Variants in TRIM45 observed in about 807,000 individuals in gnomAD.
The protein encoded by TRIM45 is tripartite motif containing 45, also known as E3 ubiquitin-protein ligase TRIM45.
Under a neutral mutation model 46.7 loss-of-function variants are expected in TRIM45, and 45 were observed. That is an observed-to-expected ratio of 0.96 (90% CI 0.76 to 1.24). The LOEUF (loss-of-function observed/expected upper bound fraction) is 1.24, where lower values mean the gene tolerates loss of function less well. Among genes scored for constraint, TRIM45 ranks in the 50% most tolerant of loss-of-function variants. TRIM45 has a pLI of 0.00. For synonymous variants in TRIM45, 259 were observed against 285.8 expected (o/e 0.91, Z 0.94); for missense variants, 680 against 728.4 (o/e 0.93, Z 0.77).
At position 117,111,947 on chromosome 1, in the gene TRIM45, TAAA is replaced by T. The variant is rs74430292; in HGVS notation, c.*355_*357del. On this transcript the variant is annotated 3_prime_UTR_variant, in exon 6 of 6. Coordinates refer to ENST00000256649, the MANE Select transcript of TRIM45 (RefSeq NM_025188.4). ...GGGTGACAGAGTGAGACTCTGTCTT[TAAA>T]AAAAAAAAAAAAAGAAAAAAAAAGG... 4.1e-5 allele frequency: 5 copies of T among 121,780 alleles called. No individual in the cohort carries two copies. The highest frequency in any genetic ancestry group is 5.2e-5 in the Non-Finnish European group (3 of 57,722). 7.5% of individuals were successfully genotyped at this position (121,780 alleles called of 1,614,324 possible). A position where few individuals can be genotyped will look rare whatever the true frequency, so the allele number is the denominator to read the frequency against.
chr1:117,123,051 A>AC (rs1263136842), upstream of TRIM45, among the ~76,000 whole-genome samples: 25 of 152,048 alleles, frequency 1.6e-4, no homozygotes, highest in South Asian at 5.0e-3. Flanking sequence ...GAAAAAAAAA[A>AC]AAAAAACCAT....
Position 117,118,112 on chromosome 1 carries a change from G to A in TRIM45, c.1144C>T (p.Gln382Ter), listed in dbSNP as rs554335124. 3.6e-5 allele frequency: 58 copies of A among 1,614,182 alleles called. No homozygotes were observed. The South Asian group carries it at 5.8e-4, about 16-fold the overall frequency. Residue 382 changes from glutamine (Q) to a stop codon, truncating the protein, a stop_gained, in exon 2 of 6, where the codon CAG (glutamine) becomes TAG (stop). Coordinates refer to ENST00000256649, the MANE Select transcript of TRIM45 (RefSeq NM_025188.4). LOFTEE classifies it high-confidence loss of function. The surrounding 1 kb of genome is among the most constrained non-coding windows in gnomAD (Gnocchi z 5.7). ...CCATAAATTTCATAGCCACGGCACT[G>A]GCCTGCTTTCTCCTGAGGACAGAAG... Reference protein sequence around the residue: ...IRFCPQEKAGQCRGYEIYGTI... With the variant: ...IRFCPQEKAG
chr1:117,120,380 G>T (rs1289014956), intron 1 of TRIM45, among the ~76,000 whole-genome samples: 2 of 152,198 alleles, frequency 1.3e-5, no homozygotes, highest in Non-Finnish European at 2.9e-5. Context: ...AGGAGATCAA[G>T]AACAGGATCT....
chr1:117,116,155 A>G lies in TRIM45; in HGVS notation c.1352+461T>C, dbSNP rs1650389469. 6.6e-6 allele frequency among the ~76,000 whole-genome samples: 1 copy of G among 152,164 alleles called. No individual in the cohort carries two copies. Among genetic ancestry groups the G allele is most frequent in the African/African-American group, 2.4e-5 (1 of 41,444 alleles). On this transcript the variant is annotated intron_variant, in intron 3 of 5. Coordinates refer to ENST00000256649, the MANE Select transcript of TRIM45 (RefSeq NM_025188.4). The surrounding 1 kb of genome is among the most constrained non-coding windows in gnomAD (Gnocchi z 4.6). Reference sequence around the variant, plus strand: ...AGAGAGAATTGAATACAAAACCCACACAAGAAAACACATTTGGTCACGTAA... The same window carrying G: ...AGAGAGAATTGAATACAAAACCCACGCAAGAAAACACATTTGGTCACGTAA...
upstream of TRIM45, chr1:117,121,833 C>A: frequency 1.4e-6 from 1 of 714,594 alleles, no homozygotes; most frequent in East Asian, 2.7e-5. The surrounding 1 kb of genome is among the most constrained non-coding windows in gnomAD (Gnocchi z 4.2). Flanking sequence ...GCTCCGGGCC[C>A]CGCCGCCCTC....
chr1:117,119,323 C>T (rs530033071), intron 1 of TRIM45, among the ~76,000 whole-genome samples: 4 of 152,196 alleles, frequency 2.6e-5, no homozygotes, highest in East Asian at 1.9e-4. Flanking sequence ...AGCGTGAAAC[C>T]GGCCGGGCGC....
In TRIM45 at chr1:117,117,954, TAGC is replaced by T. The variant is rs750528364; in HGVS notation, c.1222+77_1222+79del. 2.3e-4 allele frequency: 353 copies of T among 1,534,414 alleles called. No individual in the cohort carries two copies. The highest frequency in any genetic ancestry group is 2.9e-4 in the Non-Finnish European group (332 of 1,133,408). ...AACCTGGTCAGTAGGGCATGCTTCC[TAGC>T]AGAACAAGCCACCAATCTTCACACA... On this transcript the variant is annotated intron_variant, in intron 2 of 5. Coordinates refer to ENST00000256649, the MANE Select transcript of TRIM45 (RefSeq NM_025188.4). The surrounding 1 kb of genome is among the most constrained non-coding windows in gnomAD (Gnocchi z 4.9).
At position 117,117,619 on chromosome 1, in the gene TRIM45, C is replaced by T. The variant is rs762718926; in HGVS notation, c.1222+415G>A. 2.6e-5 allele frequency among the ~76,000 whole-genome samples: 4 copies of T among 152,216 alleles called. No homozygotes were observed. The highest frequency in any genetic ancestry group is 5.9e-5 in the Non-Finnish European group (4 of 68,040). ...AAAGGAAAGGAAACCGTAATCTCATCTTCCTCATTCCTCTGAAACTCCCTT... is the reference window on the plus strand; with the variant it reads ...AAAGGAAAGGAAACCGTAATCTCATTTTCCTCATTCCTCTGAAACTCCCTT... On this transcript the variant is annotated intron_variant, in intron 2 of 5. Transcript: ENST00000256649. The surrounding 1 kb of genome is among the most constrained non-coding windows in gnomAD (Gnocchi z 4.9).
chr1:117,112,589 G>T, intron 5 of TRIM45, 136 bp from the exon 6 acceptor site: 1 of 845,560 alleles, frequency 1.2e-6, no homozygotes. Flanking sequence ...ATCTTGGCAA[G>T]AGGAACAAGC....
chr1:117,119,309 A>G (rs1204405539), intron 1 of TRIM45, among the ~76,000 whole-genome samples: 1 of 152,086 alleles, frequency 6.6e-6, no homozygotes, highest in Non-Finnish European at 1.5e-5. Flanking sequence ...CAACATCATT[A>G]GAAAGCGTGA....
chr1:117,121,346 G>C lies in TRIM45; in HGVS notation c.-145C>G. 5 of 994,772 alleles carry C rather than the reference G, an allele frequency of 5.0e-6. No individual in the cohort carries two copies. Among genetic ancestry groups the C allele is most frequent in the Non-Finnish European group, 7.2e-6 (5 of 690,102 alleles). The allele number at this position is 994,772 out of a possible 1,614,324, so 61.6% of individuals were successfully genotyped here. A position where few individuals can be genotyped will look rare whatever the true frequency, so the allele number is the denominator to read the frequency against. ...TCCCTCGCTGACAAATAAAAGGGCA[G>C]ACGGGAAGACGAGGCGTCCTCGAAG... On this transcript the variant is annotated 5_prime_UTR_variant, in exon 1 of 6. Transcript: ENST00000256649. The surrounding 1 kb of genome is among the most constrained non-coding windows in gnomAD (Gnocchi z 4.2).
In TRIM45 at chr1:117,111,267, T is replaced by C. The variant is rs568570960; in HGVS notation, c.*1038A>G. On this transcript the variant is annotated 3_prime_UTR_variant, in exon 6 of 6. Transcript: ENST00000256649. ...GCTCCCAGTTAACTTTCTAGGTATATAGATAACAGTGAAGACTACTCTAAA... is the reference window on the plus strand; with the variant it reads ...GCTCCCAGTTAACTTTCTAGGTATACAGATAACAGTGAAGACTACTCTAAA... 5 of 152,164 alleles carry C rather than the reference T, an allele frequency of 3.3e-5. No homozygotes were observed. The highest frequency in any genetic ancestry group is 1.3e-4 in the Admixed American group (2 of 15,284). 9.4% of individuals were successfully genotyped at this position (152,164 alleles called of 1,614,324 possible).
At position 117,121,159 on chromosome 1, in the gene TRIM45, G is replaced by A. The variant is rs1557849542; in HGVS notation, c.43C>T (p.Leu15Phe). 1.3e-6 allele frequency: 2 copies of A among 1,587,562 alleles called. No individual in the cohort carries two copies. The highest frequency in any genetic ancestry group is 1.1e-5 in the South Asian group (1 of 88,438). ...TTCCCAAGTGCAGTCCCACTAGTGA[G>A]TTTGCTTACAAAGCCCAGCAGCGGT... is the stretch of plus-strand genomic sequence containing the variant. Reference protein sequence around the residue: ...RKPLLGFVSKLTSGTALGNSG... With the variant: ...RKPLLGFVSKFTSGTALGNSG... Residue 15 changes from leucine (L) to phenylalanine (F), a missense_variant, in exon 1 of 6, where the codon CTC becomes TTC. This residue lies in a region of TRIM45 where 349 missense variants were observed against 343.6 expected (regional missense o/e 1.02). Coordinates refer to ENST00000256649, the MANE Select transcript of TRIM45 (RefSeq NM_025188.4). The surrounding 1 kb of genome is among the most constrained non-coding windows in gnomAD (Gnocchi z 4.2).
Position 117,121,738 on chromosome 1 carries a change from G to A in TRIM45, c.-537C>T. The A allele has an allele frequency of 1.6e-6, 1 of 619,550 alleles. No individual in the cohort carries two copies. Among genetic ancestry groups the A allele is most frequent in the Non-Finnish European group, 3.0e-6 (1 of 337,988 alleles). 38.4% of individuals were successfully genotyped at this position (619,550 alleles called of 1,614,324 possible). A position where few individuals can be genotyped will look rare whatever the true frequency, so the allele number is the denominator to read the frequency against. ...TCCCGCGCCTCGGCCCGGGACGCCC[G>A]CGGGCTCTGGCCCCTCCTCACACCA... On this transcript the variant is annotated 5_prime_UTR_variant, in exon 1 of 6. Transcript: ENST00000256649. This position sits in a 1 kb window ranked among gnomAD's most constrained non-coding sequence, Gnocchi z 4.2.
chr1:117,122,972 A>G (rs59255120), upstream of TRIM45, among the ~76,000 whole-genome samples: 868 of 151,866 alleles, frequency 5.7e-3, 10 homozygotes, highest in African/African-American at 0.02. Flanking sequence ...GTTTCATGCT[A>G]TAGGCATAGT....
intron 4 of TRIM45, among the ~76,000 whole-genome samples, chr1:117,114,161 C>A (rs919894649): frequency 6.6e-6 from 1 of 152,188 alleles, no homozygotes; most frequent in Non-Finnish European, 1.5e-5. Context: ...TGTTTACTCA[C>A]CCACTTATTC....
In TRIM45 at chr1:117,112,234, A is replaced by G; in HGVS notation, c.*71T>C. ...AATTCTATCAGTCTCTTTAGAATGA[A>G]CGAAGGTCTGGGTCCTCTGGAAATC... On this transcript the variant is annotated 3_prime_UTR_variant, in exon 6 of 6. Coordinates refer to ENST00000256649, the MANE Select transcript of TRIM45 (RefSeq NM_025188.4). 1 of 1,409,598 alleles carries G rather than the reference A, an allele frequency of 7.1e-7. No individual in the cohort carries two copies. The highest frequency in any genetic ancestry group is 1.8e-5 in the South Asian group (1 of 54,762). The allele number at this position is 1,409,598 out of a possible 1,614,324, so 87.3% of individuals were successfully genotyped here.
Position 117,115,161 on chromosome 1 carries a change from T to G in TRIM45, c.1467+414A>C, listed in dbSNP as rs1570912361. On this transcript the variant is annotated intron_variant, in intron 4 of 5. Coordinates refer to ENST00000256649, the MANE Select transcript of TRIM45 (RefSeq NM_025188.4). This position sits in a 1 kb window ranked among gnomAD's most constrained non-coding sequence, Gnocchi z 4.2. ...TTAGGCAGATAGATGACTAGTCAATTGTGAGGAGGGGGCATAACCCTCTCA... is the reference window on the plus strand; with the variant it reads ...TTAGGCAGATAGATGACTAGTCAATGGTGAGGAGGGGGCATAACCCTCTCA... Among the ~76,000 whole-genome samples, 1 of 152,188 alleles carries G rather than the reference T, an allele frequency of 6.6e-6. No homozygotes were observed. The highest frequency in any genetic ancestry group is 1.9e-4 in the East Asian group (1 of 5,196).
At position 117,118,285 on chromosome 1, in the gene TRIM45, A is replaced by G. The variant is rs1345962234; in HGVS notation, c.971T>C (p.Met324Thr). 5 of 1,614,056 alleles carry G rather than the reference A, an allele frequency of 3.1e-6. No individual in the cohort carries two copies. The highest frequency in any genetic ancestry group is 4.2e-6 in the Non-Finnish European group (5 of 1,180,028). ...CTCGGTGAACTCCACTCCAGTCCGC[A>G]TGTCTGCCAGTAACTGTTCCAGCTG... is the stretch of plus-strand genomic sequence containing the variant. Reference protein sequence around the residue: ...KAQLEQLLADMRTGVEFTEHL... With the variant: ...KAQLEQLLADTRTGVEFTEHL... The change falls in exon 2 of 6, where the codon ATG (methionine) becomes ACG (threonine). Residue 324 changes from methionine to threonine, a missense_variant. By Grantham distance (81) the Met-to-Thr change is moderately conservative. Around this residue, in one of 3 missense-constraint regions of TRIM45, gnomAD observed 322 missense variants for 359.3 expected, o/e 0.90. Coordinates refer to ENST00000256649, the MANE Select transcript of TRIM45 (RefSeq NM_025188.4). This position sits in a 1 kb window ranked among gnomAD's most constrained non-coding sequence, Gnocchi z 5.7.
Sources: allele counts gnomAD v4.1 joint callset (sites outside exome capture counted in the v4.1 genomes callset), GRCh38; gene constraint gnomAD v4.1.1; regional missense constraint gnomAD v4.1.1; non-coding constraint Gnocchi (gnomAD v3.1); transcripts MANE v1.5; gene names NCBI Gene and HGNC (gene_info 2026-07-23, HGNC 2026-07-21).